LIPC: variants seen among roughly 807,000 people sequenced by gnomAD.
LIPC encodes the protein lipase C, hepatic type.
Under a neutral mutation model 50.7 loss-of-function variants are expected in LIPC, and 44 were observed. That is an observed-to-expected ratio of 0.87 (90% CI 0.68 to 1.11). The LOEUF is 1.11. Among genes scored for constraint, LIPC ranks in the 50% most tolerant of loss-of-function variants. LIPC has a pLI of 0.00. For synonymous variants in LIPC, 271 were observed against 256.4 expected, an observed-to-expected ratio of 1.06 and a Z score of -0.54; for missense variants, 697 against 648.2, an observed-to-expected ratio of 1.08 and a Z score of -0.82.
chr15:58,549,455 A>C (rs1893669201), intron 6 of LIPC, among the ~76,000 whole-genome samples: 1 of 152,198 alleles, frequency 6.6e-6, no homozygotes, highest in South Asian at 2.1e-4. Context: ...AAAACATTCG[A>C]TGCAGCCATC....
chr15:58,516,843 TG>T (rs1351059809), intron 1 of LIPC, among the ~76,000 whole-genome samples: 2 of 152,254 alleles, frequency 1.3e-5, no homozygotes, highest in African/African-American at 4.8e-5. Context: ...CTCTTCATTA[TG>T]GGTTGTATTT....
intron 1 of LIPC, among the ~76,000 whole-genome samples, chr15:58,434,560 C>A (rs1471391923): frequency 6.6e-6 from 1 of 152,202 alleles, no homozygotes; most frequent in African/African-American, 2.4e-5. Context: ...GAGCCCACAC[C>A]CAGTGATTTG....
intron 2 of LIPC, among the ~76,000 whole-genome samples, chr15:58,539,893 C>T (rs1030965382): frequency 2.6e-5 from 4 of 152,178 alleles, no homozygotes; most frequent in Non-Finnish European, 4.4e-5. Context: ...CAAACAGGTC[C>T]TCCTGCAAGC....
At chr15:58,528,240 C>G (rs1191974273) in intron 1 of LIPC, among the ~76,000 whole-genome samples, 1 of 152,104 alleles carries the variant, frequency 6.6e-6, no homozygotes, top group African/African-American at 2.4e-5. Flanking sequence ...GATTCCAGCT[C>G]CAGGGAGGGG....
At chr15:58,496,743 C>CAAAAATAAAAAAAAAAAAA (rs1891778386) in intron 1 of LIPC, among the ~76,000 whole-genome samples, 1 of 114,180 alleles carries the variant, frequency 8.8e-6, no homozygotes, top group Non-Finnish European at 1.8e-5. Flanking sequence ...TCTTCCCCCT[C>CAAAAATAAAAAAAAAAAAA]AAAAAAAAAA....
intron 1 of LIPC, among the ~76,000 whole-genome samples, chr15:58,526,349 G>C (rs773813259): frequency 3.3e-5 from 5 of 152,260 alleles, no homozygotes; most frequent in African/African-American, 1.2e-4. Context: ...CTCATTAGCA[G>C]AGAGTGTTAA....
intron 1 of LIPC, among the ~76,000 whole-genome samples, chr15:58,503,601 A>T (rs1281798118): frequency 6.6e-6 from 1 of 152,172 alleles, no homozygotes; most frequent in East Asian, 1.9e-4. Context: ...CCAGCACATC[A>T]ACCTTCCAAT....
chr15:58,452,262 C>T (rs1167017945), intron 1 of LIPC, among the ~76,000 whole-genome samples: 2 of 152,202 alleles, frequency 1.3e-5, no homozygotes, highest in Non-Finnish European at 2.9e-5. Flanking sequence ...GGGTATGGGG[C>T]CCGGCAGTCT....
intron 3 of LIPC, among the ~76,000 whole-genome samples, chr15:58,542,217 T>C (rs2140913425): frequency 6.6e-6 from 1 of 152,196 alleles, no homozygotes; most frequent in African/African-American, 2.4e-5. Context: ...CTCACCCCCT[T>C]AGACATGCTA....
chr15:58,567,972 T>A (rs1478858440), intron 8 of LIPC, among the ~76,000 whole-genome samples: 6 of 152,210 alleles, frequency 3.9e-5, no homozygotes, highest in Admixed American at 3.9e-4. Flanking sequence ...ATTTTTAAAT[T>A]TTAAAAGTCC....
intron 1 of LIPC, among the ~76,000 whole-genome samples, chr15:58,485,076 T>C (rs1399441088): frequency 6.6e-6 from 1 of 152,208 alleles, no homozygotes; most frequent in African/African-American, 2.4e-5. Flanking sequence ...GTAGTTGGGT[T>C]CCGCAAGAAT....
intron 7 of LIPC, among the ~76,000 whole-genome samples, chr15:58,561,826 A>T (rs1338885412): frequency 1.3e-5 from 2 of 152,220 alleles, no homozygotes; most frequent in African/African-American, 4.8e-5. Context: ...AATGCTGGTC[A>T]GTTGTGCCTG....
chr15:58,530,950 T>C (rs1454862672), intron 1 of LIPC, among the ~76,000 whole-genome samples: 1 of 152,232 alleles, frequency 6.6e-6, no homozygotes, highest in African/African-American at 2.4e-5. Flanking sequence ...GGGGTTATTA[T>C]GAATAAAGCT....
intron 1 of LIPC, among the ~76,000 whole-genome samples, chr15:58,445,315 A>C (rs1441547593): frequency 1.3e-5 from 2 of 152,194 alleles, no homozygotes; most frequent in African/African-American, 4.8e-5. Flanking sequence ...GTGGACCCCA[A>C]ACCTGCTCCC....
intron 2 of LIPC, among the ~76,000 whole-genome samples, chr15:58,540,220 C>A (rs556602963): frequency 1.3e-5 from 2 of 152,260 alleles, no homozygotes; most frequent in East Asian, 3.9e-4. Context: ...ATGCTTTTAC[C>A]AAAATGCACT....
At chr15:58,567,316 T>TGTATATATATATAC (rs1894414289) in intron 8 of LIPC, among the ~76,000 whole-genome samples, 1 of 25,998 alleles carries the variant, frequency 3.8e-5, no homozygotes, top group Non-Finnish European at 7.9e-5. Flanking sequence ...CATATATATG[T>TGTATATATATATAC]ATATGTGTAT....
intron 1 of LIPC, among the ~76,000 whole-genome samples, chr15:58,499,005 G>T (rs765920020): frequency 6.6e-6 from 1 of 152,206 alleles, no homozygotes; most frequent in African/African-American, 2.4e-5. Context: ...GCCTGTCAAC[G>T]GCCTTGCTTC....
chr15:58,533,821 C>A (rs1233488024), intron 1 of LIPC, among the ~76,000 whole-genome samples: 2 of 152,012 alleles, frequency 1.3e-5, no homozygotes, highest in African/African-American at 4.8e-5. Context: ...TTTATTTTTT[C>A]AGCACTTTTC....
chr15:58,560,781 A>G, intron 6 of LIPC, 83 bp from the exon 7 acceptor site: 1 of 717,364 alleles, frequency 1.4e-6, no homozygotes, highest in African/African-American at 1.8e-5. Context: ...CTGCATGTTT[A>G]AATTTTAAGA....
Sources: gnomAD v4.1 joint callset for allele counts (sites outside exome capture counted in the v4.1 genomes callset) on GRCh38, gnomAD v4.1.1 for gene constraint, MANE v1.5 for transcripts, NCBI Gene and HGNC (gene_info 2026-07-23, HGNC 2026-07-21) for gene names.